SYTL3: variants seen among roughly 807,000 people sequenced by gnomAD.
SYTL3 encodes synaptotagmin like 3, also known as synaptotagmin-like protein 3.
SYTL3 carries 88 observed loss-of-function variants against 82.1 expected under a neutral mutation model. That is an observed-to-expected ratio of 1.07 (90% CI 0.90 to 1.28). The LOEUF (loss-of-function observed/expected upper bound fraction) is 1.28. Ranked by LOEUF, SYTL3 falls within the 50% of genes most tolerant of loss-of-function variation. The probability of loss-of-function intolerance (pLI) is 0.00; values close to 1 mark genes in which losing one functional copy is unlikely to be tolerated. For missense variants in SYTL3, 831 were observed against 757.6 expected (o/e 1.10, Z -1.14); for synonymous variants, 311 against 289.4 (o/e 1.07, Z -0.76).
chr6:158,666,919 A>G (rs1411201479), intron 5 of SYTL3, among the ~76,000 whole-genome samples: 1 of 152,224 alleles, frequency 6.6e-6, no homozygotes, highest in Admixed American at 6.5e-5. Context: ...CGGTGGCCGA[A>G]TTCGCCTTCT....
chr6:158,683,040 T>A, intron 6 of SYTL3, 51 bp downstream of exon 6: 2 of 1,362,520 alleles, frequency 1.5e-6, no homozygotes, highest in Admixed American at 1.8e-5. Context: ...TTCCTAGTTT[T>A]AAAATATTTG....
intron 8 of SYTL3, among the ~76,000 whole-genome samples, chr6:158,711,246 G>A (rs955240000): frequency 6.6e-6 from 1 of 152,104 alleles, no homozygotes; most frequent in African/African-American, 2.4e-5. Context: ...AGGCTTTTTG[G>A]TGAAGGAACC....
intron 1 of SYTL3, among the ~76,000 whole-genome samples, chr6:158,650,482 C>T (rs918561560): frequency 4.0e-5 from 6 of 151,742 alleles, no homozygotes; most frequent in Non-Finnish European, 5.9e-5. Flanking sequence ...TTTGATCATC[C>T]GTAATTTCTC....
chr6:158,745,564 A>T lies in SYTL3; in HGVS notation c.940A>T (p.Ile314Phe), dbSNP rs763827654. 6.2e-7 allele frequency: 1 copy of T among 1,613,920 alleles called. No individual in the cohort carries two copies. The highest frequency in any genetic ancestry group is 2.2e-5 in the East Asian group (1 of 44,840). Residue 314 changes from isoleucine to phenylalanine, a missense_variant, in exon 12 of 18, where the codon ATT becomes TTT. Ile to Phe is a conservative substitution (Grantham distance 21). Coordinates refer to ENST00000611299, the MANE Select transcript of SYTL3 (RefSeq NM_001242394.2). ...TGTCACTGGAGAAATAGAATTTGCCATTCATTATTGCTTCAAAACCCATTC... is the reference window on the plus strand; with the variant it reads ...TGTCACTGGAGAAATAGAATTTGCCTTTCATTATTGCTTCAAAACCCATTC... ...ANVTGEIEFA[I>F]HYCFKTHSLE...
intron 11 of SYTL3, among the ~76,000 whole-genome samples, chr6:158,728,181 C>G (rs1176758093): frequency 1.3e-5 from 2 of 152,086 alleles, no homozygotes; most frequent in Non-Finnish European, 2.9e-5. Context: ...AAGATATTCT[C>G]CCATGTTTTC....
chr6:158,709,476 T>C (rs1435419395), intron 8 of SYTL3, among the ~76,000 whole-genome samples: 1 of 152,232 alleles, frequency 6.6e-6, no homozygotes, highest in Non-Finnish European at 1.5e-5. Context: ...AAATTGTAAG[T>C]CAAACCATCG....
chr6:158,720,061 C>G (rs1395219030), intron 10 of SYTL3, among the ~76,000 whole-genome samples: 1 of 152,006 alleles, frequency 6.6e-6, no homozygotes, highest in Non-Finnish European at 1.5e-5. Flanking sequence ...TGCACTCCAG[C>G]CTGGGTGACA....
intron 11 of SYTL3, among the ~76,000 whole-genome samples, chr6:158,735,866 G>C (rs1333415581): frequency 6.6e-6 from 1 of 152,148 alleles, no homozygotes; most frequent in Non-Finnish European, 1.5e-5. Flanking sequence ...AGCAGAAACT[G>C]TTACAACTTT....
At chr6:158,726,707 TC>T in intron 11 of SYTL3, 2 of 271,548 alleles carry the variant, frequency 7.4e-6, no homozygotes. Flanking sequence ...AGCACTGTTT[TC>T]CCCAGCATCT....
At chr6:158,752,858 A>G (rs1250035501) in intron 13 of SYTL3, among the ~76,000 whole-genome samples, 1 of 152,164 alleles carries the variant, frequency 6.6e-6, no homozygotes, top group Non-Finnish European at 1.5e-5. Context: ...CCCTGAGTTC[A>G]TTAAATAATA....
chr6:158,693,566 G>A (rs1780153854), intron 6 of SYTL3, among the ~76,000 whole-genome samples: 1 of 152,152 alleles, frequency 6.6e-6, no homozygotes, highest in Non-Finnish European at 1.5e-5. Context: ...TGCATTTTTA[G>A]TAGAGATGGG....
chr6:158,746,759 C>T (rs1372382449), intron 12 of SYTL3, among the ~76,000 whole-genome samples: 11 of 151,186 alleles, frequency 7.3e-5, no homozygotes, highest in South Asian at 2.1e-4. Flanking sequence ...CCACCACACC[C>T]GGCCAGCACT....
intron 11 of SYTL3, chr6:158,725,874 A>G (rs1784668210): frequency 1.4e-6 from 1 of 696,554 alleles, no homozygotes; most frequent in Non-Finnish European, 2.6e-6. Flanking sequence ...CAGATTCATT[A>G]TCAATCCACT....
intron 10 of SYTL3, among the ~76,000 whole-genome samples, chr6:158,723,939 A>G (rs551838596): frequency 6.6e-6 from 1 of 152,280 alleles, no homozygotes; most frequent in East Asian, 1.9e-4. Context: ...CTGTAGGTCT[A>G]GGACGTGCTT....
intron 2 of SYTL3, among the ~76,000 whole-genome samples, chr6:158,659,932 G>T (rs995116367): frequency 3.3e-5 from 5 of 152,214 alleles, no homozygotes; most frequent in African/African-American, 7.2e-5. Flanking sequence ...ATTTTTGTTA[G>T]ATGTAGAATA....
intron 11 of SYTL3, 43 bp downstream of exon 11, chr6:158,725,680 T>C: frequency 1.3e-6 from 2 of 1,597,810 alleles, no homozygotes; most frequent in Non-Finnish European, 1.7e-6. Context: ...TTTTGTTTTT[T>C]GTTTTTTTGG....
At chr6:158,745,311 G>A (rs1562453725) in intron 11 of SYTL3, among the ~76,000 whole-genome samples, 169 bp from the exon 12 acceptor site, 1 of 116,756 alleles carries the variant, frequency 8.6e-6, no homozygotes, top group South Asian at 2.8e-4. Flanking sequence ...CCTTGAGATA[G>A]AACATGTGGC....
intron 12 of SYTL3, among the ~76,000 whole-genome samples, chr6:158,750,968 G>GTA (rs1356130079): frequency 6.6e-6 from 1 of 152,034 alleles, no homozygotes; most frequent in East Asian, 1.9e-4. Context: ...GCTAATTTTT[G>GTA]TATTTTTAGT....
At chr6:158,716,697 A>G (rs940033879) in intron 9 of SYTL3, among the ~76,000 whole-genome samples, 3 of 152,208 alleles carry the variant, frequency 2.0e-5, no homozygotes, top group Non-Finnish European at 4.4e-5. Context: ...CAGTGTAGGC[A>G]GGAGAGAACG....
Sources: gnomAD v4.1 joint callset for allele counts (sites outside exome capture counted in the v4.1 genomes callset) on GRCh38, gnomAD v4.1.1 for gene constraint, MANE v1.5 for transcripts, NCBI Gene and HGNC (gene_info 2026-07-23, HGNC 2026-07-21) for gene names.